The following IGSF10 variants were observed in gnomAD, a reference collection of about 807,000 sequenced individuals.
IGSF10 encodes the protein immunoglobulin superfamily member 10.
Under a neutral mutation model 128.2 loss-of-function variants are expected in IGSF10, and 126 were observed. The ratio of observed to expected loss-of-function variants is 0.98; its 90% CI spans 0.85 to 1.14. IGSF10 has a LOEUF of 1.14. Among genes scored for constraint, IGSF10 ranks in the 50% most tolerant of loss-of-function variants. IGSF10 has a pLI of 0.00. For synonymous variants in IGSF10, 1,185 were observed against 1,146.2 expected (o/e 1.03, Z -0.68); for missense variants, 3,295 against 3,149.8 (o/e 1.05, Z -1.10).
chr3:151,479,901 T>C, the IGSF10 span, among the ~76,000 whole-genome samples: 2 of 151,896 alleles, frequency 1.3e-5, no homozygotes. Flanking sequence ...CTTATTATCA[T>C]GAAGAGACAC....
In IGSF10 at chr3:151,437,838, A is replaced by T. The variant is rs753537353; in HGVS notation, c.6723T>A (p.Tyr2241Ter). ...TGGCTTTAATAACAGTTCTGTTTGT[A>T]TACAGACCATTGATTAATGGAGGTT... The part of the protein sequence containing the change: ...VSKPPLINGL[Y>*]TNRTVIKATA... The change falls in exon 8 of 8, where the codon TAT (tyrosine) becomes TAA (stop). Residue 2241 changes from tyrosine (Y) to a stop codon, truncating the protein, a stop_gained. Transcript: ENST00000282466. LOFTEE classifies it low-confidence loss of function (END_TRUNC). The T allele has an allele frequency of 1.2e-6, 2 of 1,614,036 alleles. No homozygotes were observed. The highest frequency in any genetic ancestry group is 1.7e-5 in the Admixed American group (1 of 60,030).
the IGSF10 span, among the ~76,000 whole-genome samples, chr3:151,497,792 A>ACTCTTCCT: frequency 6.6e-6 from 1 of 151,698 alleles, no homozygotes; most frequent in Non-Finnish European, 1.5e-5. Context: ...CACGATATTG[A>ACTCTTCCT]CTCTTCCTAT....
the IGSF10 span, among the ~76,000 whole-genome samples, chr3:151,527,901 T>C: frequency 2.8e-4 from 42 of 152,084 alleles, no homozygotes; most frequent in African/African-American, 9.2e-4. Flanking sequence ...TACAGTGAGC[T>C]GTGTTCATGT....
the IGSF10 span, among the ~76,000 whole-genome samples, chr3:151,524,300 A>G: frequency 1.3e-5 from 2 of 152,140 alleles, no homozygotes; most frequent in Admixed American, 6.6e-5. Flanking sequence ...AGGGATATAA[A>G]TTATTCTACC....
At chr3:151,452,986 A>C (rs1305204600) in intron 5 of IGSF10, among the ~76,000 whole-genome samples, 1 of 151,998 alleles carries the variant, frequency 6.6e-6, no homozygotes, top group Admixed American at 6.6e-5. Flanking sequence ...CAGAGTTGTT[A>C]AGAGCAAAAA....
At chr3:151,434,601 G>A (rs1470613762), downstream of IGSF10, 2 of 152,270 alleles carry the variant, frequency 1.3e-5, no homozygotes, top group South Asian at 2.1e-4. Context: ...ACTTAGATAA[G>A]CTAATGAAGT....
the IGSF10 span, among the ~76,000 whole-genome samples, chr3:151,486,280 T>C: frequency 1.4e-4 from 22 of 152,122 alleles, no homozygotes; most frequent in Non-Finnish European, 2.9e-4. Context: ...CTATCCTACA[T>C]ATATATGCAC....
At position 151,443,318 on chromosome 3, in the gene IGSF10, C is replaced by G. The variant is rs1236530557; in HGVS notation, c.5629G>C (p.Val1877Leu). The G allele has an allele frequency of 6.2e-7, 1 of 1,614,154 alleles. No homozygotes were observed. The highest frequency in any genetic ancestry group is 1.1e-5 in the South Asian group (1 of 91,082). Residue 1877 changes from valine (V) to leucine (L), a missense_variant, in exon 7 of 8, where the codon GTC becomes CTC. Val to Leu is a conservative substitution (Grantham distance 32). Coordinates refer to ENST00000282466, the MANE Select transcript of IGSF10 (RefSeq NM_178822.5). ...TTCACTTCAGTGCCATCAGAGAGGACCCAGTAAACGCTGGGCTGAGGAGTT... is the reference window on the plus strand; with the variant it reads ...TTCACTTCAGTGCCATCAGAGAGGAGCCAGTAAACGCTGGGCTGAGGAGTT... ...KGTPQPSVYW[V>L]LSDGTEVKPL...
At chr3:151,585,897 T>G in the IGSF10 span, among the ~76,000 whole-genome samples, 345 of 152,248 alleles carry the variant, frequency 2.3e-3, 1 homozygote, top group Non-Finnish European at 4.1e-3. Context: ...CAATTCAGAA[T>G]TACAAGCATT....
At chr3:151,565,674 G>T in the IGSF10 span, among the ~76,000 whole-genome samples, 4 of 152,020 alleles carry the variant, frequency 2.6e-5, no homozygotes, top group Non-Finnish European at 5.9e-5. Context: ...TATATTTTTA[G>T]ACCTACTAAA....
the IGSF10 span, among the ~76,000 whole-genome samples, chr3:151,479,207 A>G: frequency 2.0e-5 from 3 of 152,110 alleles, no homozygotes; most frequent in Non-Finnish European, 1.5e-5. Context: ...TAAACACAAT[A>G]CTAGATGGAA....
chr3:151,488,724 A>G, the IGSF10 span, among the ~76,000 whole-genome samples: 2,430 of 152,334 alleles, frequency 0.016, 60 homozygotes, highest in African/African-American at 0.056. Flanking sequence ...GCAATGGGGA[A>G]AGGATTCCTT....
At chr3:151,487,002 G>GAC in the IGSF10 span, among the ~76,000 whole-genome samples, 4 of 43,970 alleles carry the variant, frequency 9.1e-5, no homozygotes, top group South Asian at 6.5e-4. Context: ...AACTGAAGGA[G>GAC]ATAGACATGA....
the IGSF10 span, among the ~76,000 whole-genome samples, chr3:151,470,632 G>C: frequency 6.6e-6 from 1 of 152,140 alleles, no homozygotes; most frequent in Non-Finnish European, 1.5e-5. Flanking sequence ...GTTCATGAGT[G>C]TAACAATCAG....
the IGSF10 span, among the ~76,000 whole-genome samples, chr3:151,558,027 A>ATTATATATATAATATATATATATAT: frequency 1.1e-4 from 6 of 52,932 alleles, no homozygotes; most frequent in African/African-American, 2.6e-4. Context: ...TAATATATAT[A>ATTATATATATAATATATATATATAT]TTGGTACAAT....
At position 151,436,458 on chromosome 3, in the gene IGSF10, T is replaced by C. The variant is rs1419350883; in HGVS notation, c.*231A>G. On this transcript the variant is annotated 3_prime_UTR_variant, in exon 8 of 8. Transcript: ENST00000282466. ...TTCAATGTTTGTTTATTGTTATTTGTTGGCAAAATAAAAGTGCCTTAAGTT... is the reference window on the plus strand; with the variant it reads ...TTCAATGTTTGTTTATTGTTATTTGCTGGCAAAATAAAAGTGCCTTAAGTT... 6 of 398,988 alleles carry C rather than the reference T, an allele frequency of 1.5e-5. No homozygotes were observed. In the East Asian group the frequency reaches 2.2e-4, roughly 15 times the overall value. 24.7% of individuals were successfully genotyped at this position (398,988 alleles called of 1,614,324 possible). A position where few individuals can be genotyped will look rare whatever the true frequency, so the allele number is the denominator to read the frequency against.
At chr3:151,584,786 A>C in the IGSF10 span, among the ~76,000 whole-genome samples, 1 of 152,098 alleles carries the variant, frequency 6.6e-6, no homozygotes, top group Non-Finnish European at 1.5e-5. Context: ...TGGGGTTGGG[A>C]GCATAACCTC....
the IGSF10 span, among the ~76,000 whole-genome samples, chr3:151,558,027 A>ATTTTATATATATAATATATATATATAT: frequency 4.5e-3 from 236 of 52,816 alleles, 14 homozygotes; most frequent in Middle Eastern, 6.8e-3. Flanking sequence ...TAATATATAT[A>ATTTTATATATATAATATATATATATAT]TTGGTACAAT....
the IGSF10 span, among the ~76,000 whole-genome samples, chr3:151,606,321 TAATATAGGTCA>T: frequency 2.6e-5 from 4 of 152,184 alleles, no homozygotes; most frequent in African/African-American, 4.8e-5. Context: ...TCTCATGATA[TAATATAGGTCA>T]AAGACAAACC....
Sources: allele counts gnomAD v4.1 joint callset (sites outside exome capture counted in the v4.1 genomes callset), GRCh38; gene constraint gnomAD v4.1.1; transcripts MANE v1.5; gene names NCBI Gene and HGNC (gene_info 2026-07-23, HGNC 2026-07-21).